The following MTCL1 variants were observed in gnomAD, a reference collection of about 807,000 sequenced individuals.
MTCL1 encodes microtubule crosslinking factor 1.
A neutral mutation model predicts 141.4 loss-of-function variants in MTCL1; 79 were observed. The observed-to-expected ratio is 0.56, with a 90% CI of 0.47 to 0.67. The LOEUF (loss-of-function observed/expected upper bound fraction) is 0.67, where lower values mean the gene tolerates loss of function less well. MTCL1 is among the 30% of genes least tolerant of loss of function. The probability of loss-of-function intolerance (pLI) is 0.00; values close to 1 mark genes in which losing one functional copy is unlikely to be tolerated. For missense variants in MTCL1, 2,177 were observed against 2,113.9 expected, an observed-to-expected ratio of 1.03 and a Z score of -0.59; for synonymous variants, 914 against 875.8, an observed-to-expected ratio of 1.04 and a Z score of -0.77.
chr18:8,766,740 C>T (rs970973125), intron 4 of MTCL1, among the ~76,000 whole-genome samples: 2 of 152,230 alleles, frequency 1.3e-5, no homozygotes, highest in South Asian at 2.1e-4. Context: ...CAGCCGCCTT[C>T]CTGGGAGAGG....
chr18:8,725,578 A>T (rs76304394), intron 4 of MTCL1, among the ~76,000 whole-genome samples: 8,477 of 152,154 alleles, frequency 0.056, 655 homozygotes, highest in African/African-American at 0.16. Context: ...AGCTAAAAAA[A>T]TTTTTTAATG....
At chr18:8,739,278 T>C (rs1159429670) in intron 4 of MTCL1, among the ~76,000 whole-genome samples, 1 of 151,852 alleles carries the variant, frequency 6.6e-6, no homozygotes, top group Non-Finnish European at 1.5e-5. Context: ...CACCCTGAAA[T>C]ATGGGATGCT....
intron 16 of MTCL1, chr18:8,829,366 G>T (rs2077125289): frequency 1.0e-6 from 1 of 985,260 alleles, no homozygotes; most frequent in South Asian, 4.7e-5. Context: ...ACGTGCACTG[G>T]CATGTGCTGA....
chr18:8,758,212 G>A (rs571841571), intron 4 of MTCL1, among the ~76,000 whole-genome samples: 6 of 152,120 alleles, frequency 3.9e-5, no homozygotes, highest in South Asian at 2.1e-4. Flanking sequence ...TAGTAGAGAC[G>A]GGGTTTCTCC....
intron 4 of MTCL1, among the ~76,000 whole-genome samples, chr18:8,738,980 G>T (rs1190861399): frequency 1.6e-4 from 25 of 152,198 alleles, no homozygotes; most frequent in African/African-American, 5.8e-4. Flanking sequence ...GAGCACGCCT[G>T]TAATCCCAGG....
At chr18:8,724,709 T>C (rs970800311) in intron 4 of MTCL1, among the ~76,000 whole-genome samples, 1 of 152,218 alleles carries the variant, frequency 6.6e-6, no homozygotes, top group Non-Finnish European at 1.5e-5. Context: ...ACTCCAGGGC[T>C]GTAAACGTTG....
chr18:8,789,672 C>T, intron 7 of MTCL1: 1 of 985,328 alleles, frequency 1.0e-6, no homozygotes, highest in Non-Finnish European at 1.2e-6. Flanking sequence ...TTTAGATAAG[C>T]TGCTTTAATA....
At chr18:8,829,648 C>T in intron 16 of MTCL1, 3 of 985,362 alleles carry the variant, frequency 3.0e-6, no homozygotes, top group Non-Finnish European at 3.6e-6. Context: ...CATCCACCCA[C>T]CTCATCCACT....
chr18:8,815,072 C>T (rs2076606627), intron 12 of MTCL1, among the ~76,000 whole-genome samples: 1 of 152,086 alleles, frequency 6.6e-6, no homozygotes, highest in African/African-American at 2.4e-5. Context: ...GGCGATTCCT[C>T]AGGGATCTAG....
In MTCL1 at chr18:8,793,013, G is replaced by A. The variant is rs2075789406; in HGVS notation, c.1903G>A (p.Val635Ile). The A allele has an allele frequency of 1.9e-6, 3 of 1,613,998 alleles. No homozygotes were observed. The highest frequency in any genetic ancestry group is 2.5e-6 in the Non-Finnish European group (3 of 1,179,940). The change falls in exon 8 of 17, where the codon GTT (valine) becomes ATT (isoleucine). Residue 635 changes from valine to isoleucine, a missense_variant. Val to Ile is a conservative substitution (Grantham distance 29). Coordinates refer to ENST00000359865, the Ensembl canonical transcript of MTCL1. ...CACCGATCAGCTCAGGGGCCCCCCC[G>A]TTTTACCTGAGCAGAGTGTATCCAT... is the stretch of plus-strand genomic sequence containing the variant.
chr18:8,736,738 T>C (rs1287002194), intron 4 of MTCL1, among the ~76,000 whole-genome samples: 3 of 150,868 alleles, frequency 2.0e-5, no homozygotes, highest in Admixed American at 6.6e-5. Context: ...CCCGGGTTCA[T>C]GCCATTCTCC....
intron 1 of MTCL1, among the ~76,000 whole-genome samples, chr18:8,710,219 C>T (rs1206227515): frequency 1.3e-5 from 2 of 152,216 alleles, no homozygotes; most frequent in African/African-American, 4.8e-5. Context: ...CAAATTTGGT[C>T]GTCCCTGACT....
At chr18:8,800,286 G>A (rs571842252) in intron 10 of MTCL1, among the ~76,000 whole-genome samples, 6 of 152,352 alleles carry the variant, frequency 3.9e-5, no homozygotes, top group South Asian at 2.1e-4. Flanking sequence ...CTCGCAAGGC[G>A]ATTAGTAGCA....
At chr18:8,815,557 A>G (rs2144288005) in intron 12 of MTCL1, among the ~76,000 whole-genome samples, 1 of 151,954 alleles carries the variant, frequency 6.6e-6, no homozygotes, top group African/African-American at 2.4e-5. Flanking sequence ...AGCATGGCAC[A>G]TGTATACATA....
Position 8,830,203 on chromosome 18 carries a change from G to C in MTCL1, c.*18+1239G>C. The C allele has an allele frequency of 1.0e-6, 1 of 985,728 alleles. No individual in the cohort carries two copies. The highest frequency in any genetic ancestry group is 4.7e-5 in the South Asian group (1 of 21,296). The allele number at this position is 985,728 out of a possible 1,614,324, so 61.1% of individuals were successfully genotyped here. A position where few individuals can be genotyped will look rare whatever the true frequency, so the allele number is the denominator to read the frequency against. ...GCACCTTGGGTTAGTCTGCATCTTGGTGGCTGGTGGCGCTGGTGGAGTTTT... is the reference window on the plus strand; with the variant it reads ...GCACCTTGGGTTAGTCTGCATCTTGCTGGCTGGTGGCGCTGGTGGAGTTTT... On this transcript the variant is annotated intron_variant, in intron 16 of 16. Transcript: ENST00000359865. The surrounding 1 kb of genome is among the most constrained non-coding windows in gnomAD (Gnocchi z 6.4).
chr18:8,793,933 T>G (rs2075823553), intron 8 of MTCL1, among the ~76,000 whole-genome samples: 1 of 152,258 alleles, frequency 6.6e-6, no homozygotes, highest in Non-Finnish European at 1.5e-5. Context: ...GCCCCCATGT[T>G]GACTGAGGCC....
chr18:8,705,650 C>T (rs1355868754), upstream of MTCL1: 28 of 1,209,430 alleles, frequency 2.3e-5, no homozygotes, highest in South Asian at 7.2e-4. The surrounding 1 kb of genome is among the most constrained non-coding windows in gnomAD (Gnocchi z 5.2). Flanking sequence ...CTGCTGCCGG[C>T]GGACCCGGCC....
exon 13 of MTCL1, chr18:8,819,229 C>G: frequency 6.2e-7 from 1 of 1,614,184 alleles, no homozygotes; most frequent in Non-Finnish European, 8.5e-7. Flanking sequence ...CCCACAGGCC[C>G]GAGAGGGAGT....
At chr18:8,741,992 A>G (rs1260780056) in intron 4 of MTCL1, among the ~76,000 whole-genome samples, 1 of 151,692 alleles carries the variant, frequency 6.6e-6, no homozygotes, top group Non-Finnish European at 1.5e-5. Flanking sequence ...TGCTTCCTTG[A>G]TCCTATTCAG....
Sources: gnomAD v4.1 joint callset for allele counts (sites outside exome capture counted in the v4.1 genomes callset) on GRCh38, gnomAD v4.1.1 for gene constraint, Gnocchi (gnomAD v3.1) non-coding constraint, MANE v1.5 for transcripts, NCBI Gene and HGNC (gene_info 2026-07-23, HGNC 2026-07-21) for gene names.